Variants in ZCWPW2 observed in about 807,000 individuals in gnomAD.
ZCWPW2 encodes zinc finger CW-type and PWWP domain containing 2, also known as zinc finger CW-type PWWP domain protein 2.
In ZCWPW2, 45 loss-of-function variants were observed where a neutral mutation model predicts 46.6. The ratio of observed to expected loss-of-function variants is 0.96; its 90% CI spans 0.76 to 1.24. The LOEUF (loss-of-function observed/expected upper bound fraction) is 1.24. Ranked by LOEUF, ZCWPW2 falls within the 50% of genes most tolerant of loss-of-function variation. The pLI, the probability that ZCWPW2 is intolerant of heterozygous loss-of-function variation, is 0.00. For missense variants in ZCWPW2, 429 were observed against 403.9 expected (o/e 1.06, Z -0.53); for synonymous variants, 152 against 137.1 (o/e 1.11, Z -0.76).
chr3:28,492,658 C>T (rs1264014864), intron 6 of ZCWPW2, among the ~76,000 whole-genome samples: 3 of 152,020 alleles, frequency 2.0e-5, no homozygotes. Context: ...AGAATTATTA[C>T]AATTTAATAC....
chr3:28,417,556 C>A (rs1314620921), intron 3 of ZCWPW2, among the ~76,000 whole-genome samples: 1 of 150,806 alleles, frequency 6.6e-6, no homozygotes, highest in Non-Finnish European at 1.5e-5. Flanking sequence ...GACAGAGACA[C>A]AACAAAAAAA....
chr3:28,397,182 T>A (rs2125723898), intron 2 of ZCWPW2, among the ~76,000 whole-genome samples: 1 of 152,254 alleles, frequency 6.6e-6, no homozygotes, highest in Non-Finnish European at 1.5e-5. Context: ...GTTGTGATTT[T>A]ACCTTTTTGG....
chr3:28,349,621 A>G (rs908406401), intron 1 of ZCWPW2, among the ~76,000 whole-genome samples: 2 of 152,164 alleles, frequency 1.3e-5, no homozygotes, highest in African/African-American at 4.8e-5. Flanking sequence ...TTTCTAGATG[A>G]TAGACCGTCC....
intron 4 of ZCWPW2, among the ~76,000 whole-genome samples, chr3:28,468,127 T>A (rs1300909418): frequency 6.6e-6 from 1 of 152,006 alleles, no homozygotes; most frequent in East Asian, 1.9e-4. Flanking sequence ...ATTGAAATAA[T>A]TGAAAAGAAT....
At chr3:28,501,344 G>T (rs1246122695) in intron 6 of ZCWPW2, among the ~76,000 whole-genome samples, 1 of 152,132 alleles carries the variant, frequency 6.6e-6, no homozygotes, top group Non-Finnish European at 1.5e-5. Context: ...TGGGACCCTT[G>T]TTATTGGTTG....
At position 28,349,112 on chromosome 3, in the gene ZCWPW2, T is replaced by C. The variant is rs1704416956; in HGVS notation, c.-225T>C. On this transcript the variant is annotated 5_prime_UTR_variant, in exon 1 of 10. Coordinates refer to ENST00000383768, the MANE Select transcript of ZCWPW2 (RefSeq NM_001040432.4). Reference sequence around the variant, plus strand: ...TCGTGGGGGTGGGGAAGTGCAGGAGTGGCGCGCGGCGTACTACATGTCCCG... The same window carrying C: ...TCGTGGGGGTGGGGAAGTGCAGGAGCGGCGCGCGGCGTACTACATGTCCCG... 1 of 984,604 alleles carries C rather than the reference T, an allele frequency of 1.0e-6. No homozygotes were observed. Among genetic ancestry groups the C allele is most frequent in the Non-Finnish European group, 1.2e-6 (1 of 829,918 alleles). 61.0% of individuals were successfully genotyped at this position (984,604 alleles called of 1,614,324 possible). A position where few individuals can be genotyped will look rare whatever the true frequency, so the allele number is the denominator to read the frequency against.
At chr3:28,441,386 C>T (rs1219222748) in intron 4 of ZCWPW2, among the ~76,000 whole-genome samples, 3 of 152,182 alleles carry the variant, frequency 2.0e-5, no homozygotes, top group South Asian at 2.1e-4. Context: ...ACACATCTGG[C>T]GATTTCTCCT....
intron 2 of ZCWPW2, among the ~76,000 whole-genome samples, chr3:28,405,231 C>T (rs1696111896): frequency 6.6e-6 from 1 of 151,880 alleles, no homozygotes; most frequent in African/African-American, 2.4e-5. Context: ...TGTCTGTGTC[C>T]CCTGAAATTG....
intron 5 of ZCWPW2, among the ~76,000 whole-genome samples, chr3:28,484,088 A>G (rs1406864004): frequency 6.6e-6 from 1 of 152,004 alleles, no homozygotes; most frequent in Admixed American, 6.6e-5. Flanking sequence ...GTTTGTTACC[A>G]TTAAATATGA....
Position 28,435,134 on chromosome 3 carries a change from C to A in ZCWPW2, c.357C>A (p.Asp119Glu). 6.2e-7 allele frequency: 1 copy of A among 1,611,178 alleles called. No homozygotes were observed. The highest frequency in any genetic ancestry group is 8.5e-7 in the Non-Finnish European group (1 of 1,179,450). ...WPSWPGILCP[D>E]RFKGKYVTYD... The stretch of plus-strand genomic sequence containing the variant: ...GTTGGCCAGGAATACTTTGCCCTGA[C>A]CGTTTTAAAGGGAAATATGTAACTT... Residue 119 changes from aspartate to glutamate, a missense_variant, in exon 4 of 10, where the codon GAC (aspartate) becomes GAA (glutamate). Transcript: ENST00000383768.
intron 8 of ZCWPW2, among the ~76,000 whole-genome samples, chr3:28,517,767 A>T (rs1224186280): frequency 6.6e-6 from 1 of 152,240 alleles, no homozygotes; most frequent in African/African-American, 2.4e-5. Flanking sequence ...TGAGTTATTG[A>T]GACAAACTGT....
intron 1 of ZCWPW2, among the ~76,000 whole-genome samples, chr3:28,384,458 A>G (rs1575073132): frequency 1.3e-5 from 2 of 152,024 alleles, no homozygotes; most frequent in Non-Finnish European, 2.9e-5. Flanking sequence ...ACTTCAGACT[A>G]TGTATTCTGG....
At chr3:28,357,146 A>C (rs557470749) in intron 1 of ZCWPW2, among the ~76,000 whole-genome samples, 5 of 152,358 alleles carry the variant, frequency 3.3e-5, no homozygotes, top group African/African-American at 1.2e-4. Flanking sequence ...TTTCATTTAC[A>C]TTATAAAAAC....
intron 2 of ZCWPW2, among the ~76,000 whole-genome samples, chr3:28,397,503 C>G (rs947748148): frequency 6.6e-6 from 1 of 152,088 alleles, no homozygotes; most frequent in African/African-American, 2.4e-5. Flanking sequence ...GACCCTGTCT[C>G]TACTAAAAAT....
chr3:28,404,188 A>G (rs952435262), intron 2 of ZCWPW2, among the ~76,000 whole-genome samples: 1 of 152,086 alleles, frequency 6.6e-6, no homozygotes, highest in Non-Finnish European at 1.5e-5. Flanking sequence ...TAAATTAACA[A>G]GAAAAAAAAA....
At chr3:28,412,683 T>A (rs1696448462) in intron 2 of ZCWPW2, among the ~76,000 whole-genome samples, 1 of 152,040 alleles carries the variant, frequency 6.6e-6, no homozygotes, top group Non-Finnish European at 1.5e-5. Context: ...CTTAGAATAA[T>A]ACCTGGTGCA....
chr3:28,365,687 G>T (rs1236918963), intron 1 of ZCWPW2, among the ~76,000 whole-genome samples: 3 of 141,336 alleles, frequency 2.1e-5, no homozygotes, highest in Admixed American at 7.6e-5. Context: ...TGTGAAGAAA[G>T]TCATTGGTAG....
chr3:28,496,921 G>A (rs1700005568), intron 6 of ZCWPW2, among the ~76,000 whole-genome samples: 2 of 151,214 alleles, frequency 1.3e-5, no homozygotes, highest in Non-Finnish European at 2.9e-5. Flanking sequence ...ACTGCTTCTA[G>A]AGCCCCTCTT....
chr3:28,463,166 G>T (rs916036194), intron 4 of ZCWPW2, among the ~76,000 whole-genome samples: 22 of 152,058 alleles, frequency 1.4e-4, no homozygotes, highest in Non-Finnish European at 2.8e-4. Flanking sequence ...TAGTCTAAGT[G>T]TCTTTCTTCT....
Sources: allele counts gnomAD v4.1 joint callset (sites outside exome capture counted in the v4.1 genomes callset), GRCh38; gene constraint gnomAD v4.1.1; transcripts MANE v1.5; gene names NCBI Gene and HGNC (gene_info 2026-07-23, HGNC 2026-07-21).